SIDT1: variants seen among roughly 807,000 people sequenced by gnomAD.
The protein encoded by SIDT1 is SID1 transmembrane family member 1.
SIDT1 carries 101 observed loss-of-function variants against 107.5 expected under a neutral mutation model. The observed-to-expected ratio is 0.94, with a 90% CI of 0.80 to 1.11. The LOEUF is 1.11. Ranked by LOEUF, SIDT1 falls within the 50% of genes least tolerant of loss-of-function variation. The pLI, the probability that SIDT1 is intolerant of heterozygous loss-of-function variation, is 0.00. For synonymous variants in SIDT1, 395 were observed against 398.2 expected (o/e 0.99, Z 0.10); for missense variants, 1,076 against 1,058.2 (o/e 1.02, Z -0.23).
chr3:113,601,951 G>A (rs531574593), intron 11 of SIDT1: 6 of 291,646 alleles, frequency 2.1e-5, no homozygotes, highest in South Asian at 6.1e-5. Context: ...TATCCAGCCC[G>A]GGTTTAGGGC....
intron 1 of SIDT1, among the ~76,000 whole-genome samples, chr3:113,533,723 A>G (rs1280421727): frequency 1.3e-5 from 2 of 152,182 alleles, no homozygotes; most frequent in Non-Finnish European, 2.9e-5. Context: ...AATTGTGTGA[A>G]AATGGACGGA....
chr3:113,566,660 CTGCATACGGGGTG>C, intron 2 of SIDT1, 119 bp downstream of exon 2: 3 of 1,142,808 alleles, frequency 2.6e-6, no homozygotes, highest in Non-Finnish European at 3.8e-6. Flanking sequence ...TCAAGACATT[CTGCATACGGGGTG>C]CAAATAATGA....
At chr3:113,613,189 A>C (rs183455292) in intron 19 of SIDT1, among the ~76,000 whole-genome samples, 2 of 152,346 alleles carry the variant, frequency 1.3e-5, no homozygotes, top group East Asian at 3.9e-4. Flanking sequence ...TTCCCCCACA[A>C]ATAGCCACCA....
chr3:113,533,683 G>A (rs1196156245), intron 1 of SIDT1, among the ~76,000 whole-genome samples: 1 of 152,228 alleles, frequency 6.6e-6, no homozygotes, highest in African/African-American at 2.4e-5. Flanking sequence ...AGCGCATGGG[G>A]AGGGAGAACT....
chr3:113,603,030 G>A lies in SIDT1; in HGVS notation c.1143G>A (p.Arg381=). The A allele has an allele frequency of 6.2e-7, 1 of 1,614,088 alleles. No individual in the cohort carries two copies. Among genetic ancestry groups the A allele is most frequent in the Non-Finnish European group, 8.5e-7 (1 of 1,180,000 alleles). Reference sequence around the variant, plus strand: ...ATGAGTCAAGCTCCAGTCCTGGAAGGCAGATGTCCTCCTCCGATGGTGGGC... The same window carrying A: ...ATGAGTCAAGCTCCAGTCCTGGAAGACAGATGTCCTCCTCCGATGGTGGGC... ...TIDESSSSPG[R]QMSSSDGGPP... Residue 381 remains arginine (R), a synonymous_variant, in exon 12 of 25, where the codon AGG becomes AGA. Transcript: ENST00000264852.
chr3:113,576,815 T>C (rs1942940188), intron 3 of SIDT1, 107 bp from the exon 4 acceptor site: 1 of 1,185,714 alleles, frequency 8.4e-7, no homozygotes, highest in Admixed American at 1.7e-5. Context: ...GAAGCTCTCC[T>C]TGAGTCTACT....
At chr3:113,619,858 C>A in intron 21 of SIDT1, 132 bp downstream of exon 21, 2 of 799,244 alleles carry the variant, frequency 2.5e-6, no homozygotes, top group Non-Finnish European at 2.1e-6. Flanking sequence ...GTTCTAGAGA[C>A]TCAAAAAAAG....
At position 113,623,752 on chromosome 3, in the gene SIDT1, T is replaced by C. The variant is rs776601658; in HGVS notation, c.2307+19T>C. On this transcript the variant is annotated intron_variant, in intron 23 of 24. Coordinates refer to ENST00000264852, the MANE Select transcript of SIDT1 (RefSeq NM_017699.3). The stretch of plus-strand genomic sequence containing the variant: ...CTGGGAGGTAAGAGGCCAGTTTTCT[T>C]ATCCAAAAACAACCTCTCTCTCCAA... The C allele has an allele frequency of 6.4e-7, 1 of 1,563,012 alleles. No individual in the cohort carries two copies. Among genetic ancestry groups the C allele is most frequent in the Non-Finnish European group, 8.8e-7 (1 of 1,134,660 alleles).
intron 3 of SIDT1, among the ~76,000 whole-genome samples, chr3:113,574,268 G>T (rs947707881): frequency 2.6e-5 from 4 of 152,200 alleles, no homozygotes; most frequent in African/African-American, 9.7e-5. Context: ...CCAGAGGAAT[G>T]AAGGGCAGAC....
intron 1 of SIDT1, among the ~76,000 whole-genome samples, chr3:113,562,477 C>T (rs1336393886): frequency 2.0e-5 from 3 of 152,142 alleles, no homozygotes; most frequent in African/African-American, 4.8e-5. Flanking sequence ...AAATGTCCAT[C>T]AACTGAAGAA....
intron 3 of SIDT1, 63 bp downstream of exon 3, chr3:113,567,773 C>T (rs1942057620): frequency 1.3e-6 from 2 of 1,510,386 alleles, no homozygotes; most frequent in East Asian, 4.5e-5. Context: ...CTCAATTCAT[C>T]TTCCATCCTT....
chr3:113,583,598 G>A, intron 7 of SIDT1, 102 bp downstream of exon 7: 2 of 777,038 alleles, frequency 2.6e-6, no homozygotes, highest in East Asian at 2.6e-5. Flanking sequence ...AACAAGGGTT[G>A]GTTCCATCAT....
chr3:113,604,108 G>A (rs1289916001), intron 13 of SIDT1, 75 bp downstream of exon 13: 3 of 1,058,648 alleles, frequency 2.8e-6, no homozygotes, highest in Non-Finnish European at 4.2e-6. Flanking sequence ...CAACCACTTA[G>A]GCACAAGGTT....
At chr3:113,586,532 T>G (rs1417358074) in intron 9 of SIDT1, among the ~76,000 whole-genome samples, 1 of 152,198 alleles carries the variant, frequency 6.6e-6, no homozygotes, top group Non-Finnish European at 1.5e-5. Context: ...TAGATTTGCT[T>G]AAGAATCATC....
intron 23 of SIDT1, among the ~76,000 whole-genome samples, chr3:113,624,644 G>C (rs1946718255): frequency 6.6e-6 from 1 of 152,080 alleles, no homozygotes; most frequent in South Asian, 2.1e-4. Flanking sequence ...GCAGTTCAGT[G>C]GTCATAAATA....
chr3:113,581,600 C>T, intron 6 of SIDT1, 156 bp downstream of exon 6: 1 of 634,338 alleles, frequency 1.6e-6, no homozygotes, highest in South Asian at 1.8e-5. Context: ...TGGCCAGGCG[C>T]AGTGGCTCAC....
chr3:113,620,629 G>C (rs1317900473), intron 21 of SIDT1, among the ~76,000 whole-genome samples: 1 of 152,154 alleles, frequency 6.6e-6, no homozygotes, highest in Non-Finnish European at 1.5e-5. Flanking sequence ...TCTGGAAGAA[G>C]CTTCCCATGT....
chr3:113,542,902 T>TTG (rs71625216), intron 1 of SIDT1, among the ~76,000 whole-genome samples: 9,496 of 145,060 alleles, frequency 0.065, 339 homozygotes, highest in East Asian at 0.13. Flanking sequence ...TTTTGCTTGG[T>TTG]TGTGTGTGTG....
At chr3:113,576,726 C>T (rs1392251205) in intron 3 of SIDT1, among the ~76,000 whole-genome samples, 196 bp from the exon 4 acceptor site, 1 of 152,146 alleles carries the variant, frequency 6.6e-6, no homozygotes, top group Non-Finnish European at 1.5e-5. Flanking sequence ...TTTGGTCATT[C>T]TTGAGAGTTG....
Sources: gnomAD v4.1 joint callset for allele counts (sites outside exome capture counted in the v4.1 genomes callset) on GRCh38, gnomAD v4.1.1 for gene constraint, MANE v1.5 for transcripts, NCBI Gene and HGNC (gene_info 2026-07-23, HGNC 2026-07-21) for gene names.